The following GGA2 variants were observed in gnomAD, a reference collection of about 807,000 sequenced individuals.
GGA2 encodes the protein golgi associated, gamma adaptin ear containing, ARF binding protein 2.
GGA2 carries 48 observed loss-of-function variants against 79.5 expected under a neutral mutation model. The ratio of observed to expected loss-of-function variants is 0.60; its 90% CI spans 0.48 to 0.77. The LOEUF (loss-of-function observed/expected upper bound fraction) is 0.77, where lower values mean the gene tolerates loss of function less well. GGA2 is among the 30% of genes least tolerant of loss of function. The pLI is 0.00. For missense variants in GGA2, 770 were observed against 774.0 expected, an observed-to-expected ratio of 0.99 and a Z score of 0.06; for synonymous variants, 317 against 302.0, an observed-to-expected ratio of 1.05 and a Z score of -0.51.
At chr16:23,491,926 A>C (rs1452627140) in intron 4 of GGA2, 126 bp from the exon 5 acceptor site, 3 of 600,770 alleles carry the variant, frequency 5.0e-6, no homozygotes, top group Non-Finnish European at 8.7e-6. Context: ...GTGTGAGGAG[A>C]GACTAGAGGC....
chr16:23,491,221 G>A (rs1415557571), intron 5 of GGA2, among the ~76,000 whole-genome samples: 12 of 150,614 alleles, frequency 8.0e-5, no homozygotes, highest in African/African-American at 2.9e-4. Flanking sequence ...GCAGGAAAAT[G>A]GCTGGAGTCC....
chr16:23,500,302 C>T (rs1964906225), intron 1 of GGA2, among the ~76,000 whole-genome samples: 1 of 152,250 alleles, frequency 6.6e-6, no homozygotes, highest in South Asian at 2.1e-4. Context: ...GCCCAAGCTA[C>T]CGGAGAGGAG....
chr16:23,468,491 T>A (rs1430145053), intron 16 of GGA2, among the ~76,000 whole-genome samples: 1 of 144,874 alleles, frequency 6.9e-6, no homozygotes, highest in African/African-American at 2.6e-5. Context: ...TATTTTTTTT[T>A]GAGATGGAGT....
intron 5 of GGA2, among the ~76,000 whole-genome samples, chr16:23,490,400 C>A (rs936010128): frequency 2.0e-5 from 3 of 152,206 alleles, no homozygotes; most frequent in African/African-American, 7.2e-5. Flanking sequence ...CAAAATATCA[C>A]ATTGTACTCC....
At chr16:23,477,788 C>T (rs557691250) in intron 13 of GGA2, among the ~76,000 whole-genome samples, 154 of 152,186 alleles carry the variant, frequency 1.0e-3, no homozygotes, top group African/African-American at 3.4e-3. Context: ...TTTTGCCTTC[C>T]GCCATGACTG....
At chr16:23,518,361 A>G (rs1364712914) in intron 2 of GGA2, among the ~76,000 whole-genome samples, 2 of 152,094 alleles carry the variant, frequency 1.3e-5, no homozygotes, top group African/African-American at 4.8e-5. Context: ...AGTGCTCACC[A>G]CAATGCTCAG....
rs1162950759 is a variant in GGA2, at chr16:23,466,085, G to C, written c.*1505C>G. ...ACATTTGCTTAAAATTAGCATACTTGATCTTTTACAGTTCCCATCTCCACC... is the reference window on the plus strand; with the variant it reads ...ACATTTGCTTAAAATTAGCATACTTCATCTTTTACAGTTCCCATCTCCACC... On this transcript the variant is annotated 3_prime_UTR_variant, in exon 17 of 17. Coordinates refer to ENST00000309859, the MANE Select transcript of GGA2 (RefSeq NM_015044.4). The C allele has an allele frequency of 6.6e-6, 1 of 152,142 alleles. No individual in the cohort carries two copies. Among genetic ancestry groups the C allele is most frequent in the Non-Finnish European group, 1.5e-5 (1 of 68,052 alleles). 9.4% of individuals were successfully genotyped at this position (152,142 alleles called of 1,614,324 possible). A position where few individuals can be genotyped will look rare whatever the true frequency, so the allele number is the denominator to read the frequency against.
rs146363257 is a variant in GGA2, at chr16:23,480,770, G to A, written c.881C>T (p.Ala294Val). 27 of 1,606,984 alleles carry A rather than the reference G, an allele frequency of 1.7e-5. No individual in the cohort carries two copies. Among genetic ancestry groups the A allele is most frequent in the Middle Eastern group, 3.3e-4 (2 of 6,048 alleles). Residue 294 changes from alanine (A) to valine (V), a missense_variant and splice_region_variant, in exon 10 of 17, where the codon GCG (alanine) becomes GTG (valine). Physicochemically the swap from Ala to Val is moderately conservative, Grantham distance 64. Coordinates refer to ENST00000309859, the MANE Select transcript of GGA2 (RefSeq NM_015044.4). ...SDTTDDDDAL[A>V]EILQANDLLT... is the part of the protein sequence containing the mutation. ...GAGGTCATTTGCCTGGAGAATTTCC[G>A]CTGAAGAATGAGGGAAGACTCAGAA...
At chr16:23,476,989 C>G (rs1964583478) in intron 13 of GGA2, among the ~76,000 whole-genome samples, 1 of 152,170 alleles carries the variant, frequency 6.6e-6, no homozygotes, top group African/African-American at 2.4e-5. Flanking sequence ...TCTCACTCTG[C>G]TGCCCAGGCT....
intron 2 of GGA2, among the ~76,000 whole-genome samples, chr16:23,517,868 G>A (rs931616475): frequency 5.3e-5 from 8 of 151,912 alleles, no homozygotes; most frequent in Non-Finnish European, 8.8e-5. Context: ...CAAAATGCTG[G>A]GATTACAGGC....
upstream of GGA2, among the ~76,000 whole-genome samples, chr16:23,515,060 A>G (rs1291841250): frequency 1.3e-5 from 2 of 152,040 alleles, no homozygotes; most frequent in East Asian, 1.9e-4. Context: ...GTGTGCAGGC[A>G]TTGTGATTAG....
chr16:23,486,080 GCA>G lies in GGA2; in HGVS notation c.731_732del (p.Val244AlafsTer26). 1 of 1,613,972 alleles carries G rather than the reference GCA, an allele frequency of 6.2e-7. No individual in the cohort carries two copies. The highest frequency in any genetic ancestry group is 8.5e-7 in the Non-Finnish European group (1 of 1,179,824). On this transcript the variant is annotated frameshift_variant, in exon 8 of 17. Coordinates refer to ENST00000309859, the MANE Select transcript of GGA2 (RefSeq NM_015044.4). LOFTEE classifies it high-confidence loss of function. ...CGGTACATGCTCAGCATCTCCTGCA[GCA>G]CCTTCACATGGCTTCGCACTTCCTC... ...AVEEVRSHVKVLQEMLSMYRR... is the reference protein window; with the variant it reads ...AVEEVRSHVKXLQEMLSMYRR...
chr16:23,491,030 C>G (rs954202393), intron 5 of GGA2, among the ~76,000 whole-genome samples: 6 of 151,790 alleles, frequency 4.0e-5, no homozygotes, highest in African/African-American at 1.5e-4. Flanking sequence ...CCTGTCTCTA[C>G]AAAAAATACA....
intron 1 of GGA2, among the ~76,000 whole-genome samples, chr16:23,498,735 T>G (rs992506048): frequency 6.6e-6 from 1 of 152,186 alleles, no homozygotes; most frequent in Non-Finnish European, 1.5e-5. Context: ...CTGTAATATG[T>G]AGACATGTCT....
At chr16:23,472,664 C>T (rs138912386) in intron 14 of GGA2, among the ~76,000 whole-genome samples, 2,265 of 151,108 alleles carry the variant, frequency 0.015, 61 homozygotes, top group African/African-American at 0.052. Context: ...GCTGAGATGG[C>T]GCCACTGCAC....
chr16:23,468,109 CTTTT>C (rs1964464407), intron 16 of GGA2, among the ~76,000 whole-genome samples: 1 of 149,718 alleles, frequency 6.7e-6, no homozygotes, highest in Non-Finnish European at 1.5e-5. Flanking sequence ...ACTTTCTTTT[CTTTT>C]TCTCTTCTCC....
chr16:23,521,591 ATC>A (rs1016626023), intron 1 of GGA2, among the ~76,000 whole-genome samples: 49 of 151,920 alleles, frequency 3.2e-4, no homozygotes, highest in African/African-American at 1.2e-3. Context: ...TAGAGACAGG[ATC>A]TCACTATGTT....
chr16:23,479,801 CCA>C lies in GGA2; in HGVS notation c.1091_1092del (p.Val364GlyfsTer16). On this transcript the variant is annotated frameshift_variant, in exon 11 of 17. Coordinates refer to ENST00000309859, the MANE Select transcript of GGA2 (RefSeq NM_015044.4). LOFTEE classifies it high-confidence loss of function. ...AGGTCCTGATGAAGCAAAGATGGCACCACAGTCCCCATCTGCGCAGGTCCATT... is the reference window on the plus strand; with the variant it reads ...AGGTCCTGATGAAGCAAAGATGGCACCAGTCCCCATCTGCGCAGGTCCATT... ...VDNGPAQMGT[V>X]VPSLLHQDLA... 1 of 1,614,144 alleles carries C rather than the reference CCA, an allele frequency of 6.2e-7. No homozygotes were observed. The highest frequency in any genetic ancestry group is 8.5e-7 in the Non-Finnish European group (1 of 1,179,982).
intron 2 of GGA2, 70 bp downstream of exon 2, chr16:23,495,624 G>C (rs1964845063): frequency 1.2e-6 from 1 of 853,240 alleles, no homozygotes; most frequent in Non-Finnish European, 1.9e-6. Flanking sequence ...AAACAGTCTT[G>C]AGAGACAAAG....
Sources: allele counts gnomAD v4.1 joint callset (sites outside exome capture counted in the v4.1 genomes callset), GRCh38; gene constraint gnomAD v4.1.1; transcripts MANE v1.5; gene names NCBI Gene and HGNC (gene_info 2026-07-23, HGNC 2026-07-21).